The following RAB7A variants were observed in gnomAD, a reference collection of about 807,000 sequenced individuals.
RAB7A encodes the protein ras-related protein Rab-7a.
RAB7A carries 2 observed loss-of-function variants against 24.5 expected under a neutral mutation model. That is an observed-to-expected ratio of 0.08 (90% CI 0.03 to 0.26). The LOEUF (loss-of-function observed/expected upper bound fraction) is 0.26, where lower values mean the gene tolerates loss of function less well. Ranked by LOEUF, RAB7A falls within the 10% of genes least tolerant of loss-of-function variation. RAB7A has a pLI of 1.00. For synonymous variants in RAB7A, 100 were observed against 95.9 expected, an observed-to-expected ratio of 1.04 and a Z score of -0.25; for missense variants, 118 against 255.7, an observed-to-expected ratio of 0.46 and a Z score of 3.67.
intron 1 of RAB7A, among the ~76,000 whole-genome samples, chr3:128,775,814 A>T (rs1278303697): frequency 6.6e-6 from 1 of 152,148 alleles, no homozygotes; most frequent in Non-Finnish European, 1.5e-5. Flanking sequence ...GTACAATATG[A>T]TGTTTTGAAA....
At chr3:128,802,950 G>T (rs920528889) in intron 3 of RAB7A, among the ~76,000 whole-genome samples, 62 of 152,046 alleles carry the variant, frequency 4.1e-4, no homozygotes, top group Non-Finnish European at 5.4e-4. Flanking sequence ...GATTACAGGC[G>T]CCTGCCACCA....
At chr3:128,773,676 G>A (rs1319844499) in intron 1 of RAB7A, among the ~76,000 whole-genome samples, 1 of 152,238 alleles carries the variant, frequency 6.6e-6, no homozygotes, top group Non-Finnish European at 1.5e-5. Flanking sequence ...AAAAGATAGC[G>A]AAATCAGATT....
At chr3:128,800,827 A>G (rs1019224882) in intron 3 of RAB7A, among the ~76,000 whole-genome samples, 1 of 152,192 alleles carries the variant, frequency 6.6e-6, no homozygotes, top group African/African-American at 2.4e-5. Context: ...GCAGAAAGTG[A>G]TTTCATGTAG....
intron 1 of RAB7A, among the ~76,000 whole-genome samples, chr3:128,735,572 T>C (rs1434275657): frequency 6.6e-6 from 1 of 152,240 alleles, no homozygotes; most frequent in Non-Finnish European, 1.5e-5. Flanking sequence ...ATTGAAATAC[T>C]ACAAGAGTTG....
At chr3:128,738,114 CCTTGACCT>C (rs1342101959) in intron 1 of RAB7A, among the ~76,000 whole-genome samples, 3 of 152,056 alleles carry the variant, frequency 2.0e-5, no homozygotes, top group Admixed American at 2.0e-4. Flanking sequence ...CTCACTGCAG[CCTTGACCT>C]CTTGAGCTCA....
intron 1 of RAB7A, among the ~76,000 whole-genome samples, chr3:128,743,933 C>T (rs922710690): frequency 1.3e-5 from 2 of 151,722 alleles, no homozygotes; most frequent in South Asian, 2.1e-4. Flanking sequence ...GGTTTATAGG[C>T]GCCCACCACC....
intron 1 of RAB7A, among the ~76,000 whole-genome samples, chr3:128,771,272 A>G (rs546143508): frequency 4.1e-4 from 62 of 152,298 alleles, no homozygotes; most frequent in African/African-American, 1.3e-3. Context: ...GGCCCAGCCT[A>G]CAATTTTAAG....
At chr3:128,765,024 A>G in intron 1 of RAB7A, 2 of 1,502,210 alleles carry the variant, frequency 1.3e-6, no homozygotes, top group Non-Finnish European at 1.8e-6. Flanking sequence ...TCATGGCAGC[A>G]ACTAAGGAGA....
chr3:128,751,912 C>G (rs1340528143), intron 1 of RAB7A, among the ~76,000 whole-genome samples: 1 of 152,168 alleles, frequency 6.6e-6, no homozygotes, highest in Non-Finnish European at 1.5e-5. Flanking sequence ...CTTACGAGAT[C>G]TGATGGTTAC....
chr3:128,739,383 C>T (rs1031418078), intron 1 of RAB7A, among the ~76,000 whole-genome samples: 1 of 151,912 alleles, frequency 6.6e-6, no homozygotes, highest in Non-Finnish European at 1.5e-5. Flanking sequence ...TGTGGTGGTG[C>T]GCTCCTGTAA....
chr3:128,788,677 AC>A (rs1178446386), intron 1 of RAB7A, among the ~76,000 whole-genome samples: 1 of 152,092 alleles, frequency 6.6e-6, no homozygotes, highest in Non-Finnish European at 1.5e-5. Flanking sequence ...AAGAATTCAG[AC>A]TTTCGAATTG....
In RAB7A at chr3:128,813,342, C is replaced by T; in HGVS notation, c.544C>T (p.Leu182=). ...NALKQETEVE[L]YNEFPEPIKL... is the part of the protein sequence containing the mutation. ...CCTTGTCCAGGAAACGGAGGTGGAG[C>T]TGTACAACGAATTTCCTGAACCTAT... The change falls in exon 6 of 6, where the codon CTG becomes TTG. Residue 182 remains leucine (L), a synonymous_variant. Transcript: ENST00000265062. 6.2e-7 allele frequency: 1 copy of T among 1,614,124 alleles called. No homozygotes were observed. Among genetic ancestry groups the T allele is most frequent in the Non-Finnish European group, 8.5e-7 (1 of 1,179,958 alleles).
chr3:128,732,205 A>G (rs2070445735), intron 1 of RAB7A, among the ~76,000 whole-genome samples: 2 of 151,158 alleles, frequency 1.3e-5, no homozygotes, highest in African/African-American at 4.9e-5. Flanking sequence ...ATGCCCAGCT[A>G]ATTTTTGTAT....
intron 1 of RAB7A, among the ~76,000 whole-genome samples, chr3:128,782,555 G>A (rs1232001064): frequency 6.6e-6 from 1 of 151,918 alleles, no homozygotes; most frequent in Non-Finnish European, 1.5e-5. Context: ...AAAAGTGACT[G>A]TACCTTCTGA....
At chr3:128,731,827 G>A (rs921341587) in intron 1 of RAB7A, among the ~76,000 whole-genome samples, 2 of 151,924 alleles carry the variant, frequency 1.3e-5, no homozygotes, top group African/African-American at 4.8e-5. Context: ...CCAACGTGGT[G>A]AAACCCCGTC....
intron 1 of RAB7A, among the ~76,000 whole-genome samples, chr3:128,731,994 A>AT (rs887193747): frequency 2.1e-5 from 3 of 142,766 alleles, no homozygotes; most frequent in Non-Finnish European, 4.6e-5. Context: ...ACAGAGCAAG[A>AT]TTCCATCTCA....
chr3:128,755,969 A>G (rs2070726109), intron 1 of RAB7A, among the ~76,000 whole-genome samples: 1 of 152,152 alleles, frequency 6.6e-6, no homozygotes. Flanking sequence ...TCTCACACAT[A>G]AAACCCTTTT....
At chr3:128,754,949 A>C (rs1393929068) in intron 1 of RAB7A, among the ~76,000 whole-genome samples, 2 of 152,214 alleles carry the variant, frequency 1.3e-5, no homozygotes, top group South Asian at 2.1e-4. Flanking sequence ...AATGGGTAGA[A>C]GAACCAGGCA....
At chr3:128,794,348 T>C (rs1279185389) in intron 1 of RAB7A, among the ~76,000 whole-genome samples, 1 of 152,216 alleles carries the variant, frequency 6.6e-6, no homozygotes, top group Non-Finnish European at 1.5e-5. Context: ...AGAGCTGTCA[T>C]CTCTATATTC....
Sources: gnomAD v4.1 joint callset for allele counts (sites outside exome capture counted in the v4.1 genomes callset) on GRCh38, gnomAD v4.1.1 for gene constraint, MANE v1.5 for transcripts, NCBI Gene and HGNC (gene_info 2026-07-23, HGNC 2026-07-21) for gene names.